CAMK1D: variants seen among roughly 807,000 people sequenced by gnomAD.
CAMK1D encodes calcium/calmodulin dependent protein kinase ID.
In CAMK1D, 9 loss-of-function variants were observed where a neutral mutation model predicts 47.7. That is an observed-to-expected ratio of 0.19 (90% CI 0.11 to 0.33). The LOEUF (loss-of-function observed/expected upper bound fraction) is 0.33. Among genes scored for constraint, CAMK1D ranks in the 10% least tolerant of loss-of-function variants. The pLI is 1.00. For missense variants in CAMK1D, 291 were observed against 488.7 expected, an observed-to-expected ratio of 0.60 and a Z score of 3.81; for synonymous variants, 184 against 184.9, an observed-to-expected ratio of 0.99 and a Z score of 0.04.
At chr10:12,591,747 G>A (rs1838001745) in intron 2 of CAMK1D, among the ~76,000 whole-genome samples, 1 of 152,372 alleles carries the variant, frequency 6.6e-6, no homozygotes, top group South Asian at 2.1e-4. Flanking sequence ...AGGCTGGAGT[G>A]CAATGGCGCG....
chr10:12,469,785 G>A (rs1833694936), intron 1 of CAMK1D, among the ~76,000 whole-genome samples: 2 of 152,200 alleles, frequency 1.3e-5, no homozygotes, highest in East Asian at 3.8e-4. Flanking sequence ...CAAAGGATTT[G>A]GTAAATGCAT....
chr10:12,408,627 G>T (rs554640338), intron 1 of CAMK1D, among the ~76,000 whole-genome samples: 272 of 152,204 alleles, frequency 1.8e-3, no homozygotes, highest in Non-Finnish European at 3.1e-3. Flanking sequence ...TGGTGGTGGG[G>T]GTGGTTCAGG....
At chr10:12,708,602 G>T (rs1833818126) in intron 3 of CAMK1D, among the ~76,000 whole-genome samples, 1 of 152,172 alleles carries the variant, frequency 6.6e-6, no homozygotes, top group African/African-American at 2.4e-5. Flanking sequence ...TTGACGCTTT[G>T]CCTGTAATAT....
intron 2 of CAMK1D, among the ~76,000 whole-genome samples, chr10:12,621,141 A>T (rs940989398): frequency 7.9e-5 from 12 of 152,202 alleles, no homozygotes; most frequent in Non-Finnish European, 1.6e-4. Context: ...ATTCTGTTCC[A>T]TCAGTCTGTG....
At chr10:12,535,497 C>A (rs11599446) in intron 1 of CAMK1D, among the ~76,000 whole-genome samples, 10,122 of 152,178 alleles carry the variant, frequency 0.067, 424 homozygotes, top group East Asian at 0.2. Flanking sequence ...GAAGTCAGCT[C>A]CAAGAAATAA....
At chr10:12,421,566 C>T (rs1362888004) in intron 1 of CAMK1D, among the ~76,000 whole-genome samples, 2 of 118,502 alleles carry the variant, frequency 1.7e-5, no homozygotes, top group African/African-American at 3.1e-5. Context: ...TGCTCTGTTG[C>T]CCAGGCTGGA....
intron 3 of CAMK1D, among the ~76,000 whole-genome samples, chr10:12,741,352 A>C (rs1266964275): frequency 2.0e-5 from 3 of 152,220 alleles, no homozygotes; most frequent in Admixed American, 6.5e-5. Flanking sequence ...CTCTGCACAG[A>C]TGGGTAAATG....
chr10:12,674,975 A>G (rs536378110), intron 3 of CAMK1D, among the ~76,000 whole-genome samples: 24 of 150,808 alleles, frequency 1.6e-4, no homozygotes, highest in Non-Finnish European at 3.4e-4. Context: ...AGGTTGCAGT[A>G]AGCTGAGATC....
chr10:12,817,005 G>A (rs553189910), intron 8 of CAMK1D, among the ~76,000 whole-genome samples: 1 of 147,542 alleles, frequency 6.8e-6, no homozygotes, highest in Non-Finnish European at 1.5e-5. Flanking sequence ...GGAGTAGCAA[G>A]TCATATCTTA....
At chr10:12,573,830 A>ATT (rs1588648909) in intron 2 of CAMK1D, among the ~76,000 whole-genome samples, 2 of 46,152 alleles carry the variant, frequency 4.3e-5, no homozygotes, top group Non-Finnish European at 7.7e-5. Flanking sequence ...TATTAAAAAA[A>ATT]CTTTTTTTTT....
intron 2 of CAMK1D, among the ~76,000 whole-genome samples, chr10:12,581,653 T>A (rs186441090): frequency 8.5e-5 from 13 of 152,318 alleles, no homozygotes; most frequent in Admixed American, 8.5e-4. Context: ...TATTGAACAT[T>A]TTTTTCCTAT....
intron 3 of CAMK1D, among the ~76,000 whole-genome samples, chr10:12,718,398 C>T (rs1790556021): frequency 6.6e-6 from 1 of 152,166 alleles, no homozygotes; most frequent in African/African-American, 2.4e-5. Flanking sequence ...GAAAGTTTCT[C>T]GTCAACTCTG....
chr10:12,653,645 A>G (rs1840040737), intron 2 of CAMK1D, among the ~76,000 whole-genome samples: 1 of 152,254 alleles, frequency 6.6e-6, no homozygotes, highest in South Asian at 2.1e-4. Flanking sequence ...AACATTATAC[A>G]GTATGAGTTC....
At chr10:12,693,632 C>T (rs1006955847) in intron 3 of CAMK1D, among the ~76,000 whole-genome samples, 2 of 151,462 alleles carry the variant, frequency 1.3e-5, no homozygotes, top group Non-Finnish European at 2.9e-5. Flanking sequence ...ACCCTGTCCC[C>T]CCCTAAAAAA....
At chr10:12,406,722 CAAAAAAAAA>C (rs3061400) in intron 1 of CAMK1D, among the ~76,000 whole-genome samples, 51 of 69,230 alleles carry the variant, frequency 7.4e-4, no homozygotes, top group Non-Finnish European at 1.1e-3. Flanking sequence ...GACCCTGTCT[CAAAAAAAAA>C]AAAAAAAAAA....
intron 1 of CAMK1D, among the ~76,000 whole-genome samples, chr10:12,435,155 A>T (rs144153619): frequency 1.8e-3 from 266 of 144,180 alleles, no homozygotes; most frequent in African/African-American, 6.2e-3. Context: ...CTTGGGAGGC[A>T]GAGGTTACAG....
chr10:12,611,830 C>T (rs1402589167), intron 2 of CAMK1D, among the ~76,000 whole-genome samples: 1 of 151,904 alleles, frequency 6.6e-6, no homozygotes, highest in Non-Finnish European at 1.5e-5. Flanking sequence ...TGACCTCAGG[C>T]GATCTACCCG....
chr10:12,741,770 T>C (rs1048589066), intron 3 of CAMK1D, among the ~76,000 whole-genome samples: 6 of 152,040 alleles, frequency 3.9e-5, no homozygotes, highest in African/African-American at 1.2e-4. Context: ...GGGAAGGGAA[T>C]TGGGCCACAG....
intron 9 of CAMK1D, 81 bp downstream of exon 9, chr10:12,824,633 C>T (rs1834990635): frequency 1.8e-6 from 2 of 1,109,428 alleles, no homozygotes; most frequent in Admixed American, 1.9e-5. Context: ...TTCTGAAATC[C>T]CCAGAACCTC....
Sources: allele counts gnomAD v4.1 joint callset (sites outside exome capture counted in the v4.1 genomes callset), GRCh38; gene constraint gnomAD v4.1.1; transcripts MANE v1.5; gene names NCBI Gene and HGNC (gene_info 2026-07-23, HGNC 2026-07-21).